POU6F2: variants seen among roughly 807,000 people sequenced by gnomAD.
POU6F2 encodes POU class 6 homeobox 2.
POU6F2 carries 31 observed loss-of-function variants against 71.3 expected under a neutral mutation model. That is an observed-to-expected ratio of 0.43 (90% CI 0.33 to 0.59). POU6F2 has a LOEUF of 0.59. POU6F2 is among the 20% of genes least tolerant of loss of function. The pLI, the probability that POU6F2 is intolerant of heterozygous loss-of-function variation, is 0.04. For missense variants in POU6F2, 783 were observed against 856.8 expected (o/e 0.91, Z 1.07); for synonymous variants, 347 against 355.7 (o/e 0.98, Z 0.27).
intron 2 of POU6F2, among the ~76,000 whole-genome samples, chr7:39,189,907 G>A (rs1161142088): frequency 6.6e-6 from 1 of 151,728 alleles, no homozygotes; most frequent in Admixed American, 6.6e-5. Context: ...CATGGTGTAT[G>A]TATGTCGACA....
At chr7:39,434,272 T>G (rs528263891) in intron 7 of POU6F2, among the ~76,000 whole-genome samples, 2 of 151,930 alleles carry the variant, frequency 1.3e-5, no homozygotes, top group Non-Finnish European at 2.9e-5. Context: ...AAGGCTCATG[T>G]GATTGGAGCA....
intron 1 of POU6F2, among the ~76,000 whole-genome samples, chr7:38,987,725 G>A (rs909845815): frequency 6.6e-6 from 1 of 152,088 alleles, no homozygotes; most frequent in Non-Finnish European, 1.5e-5. Context: ...TATGTTTTAC[G>A]TTTCTTTTAG....
chr7:39,101,623 G>A (rs1289222676), intron 2 of POU6F2, among the ~76,000 whole-genome samples: 1 of 152,008 alleles, frequency 6.6e-6, no homozygotes, highest in Admixed American at 6.6e-5. Flanking sequence ...GTTTCAGTTA[G>A]GAGGAATATG....
chr7:39,175,470 G>A (rs1793307925), intron 2 of POU6F2, among the ~76,000 whole-genome samples: 1 of 152,172 alleles, frequency 6.6e-6, no homozygotes, highest in South Asian at 2.1e-4. Flanking sequence ...AATCAAGACA[G>A]GTGTCTAGGG....
At chr7:39,156,225 G>A (rs369235758) in intron 2 of POU6F2, among the ~76,000 whole-genome samples, 1 of 152,074 alleles carries the variant, frequency 6.6e-6, no homozygotes, top group Admixed American at 6.6e-5. Context: ...CAGTATGATC[G>A]TAAACATGTA....
intron 6 of POU6F2, among the ~76,000 whole-genome samples, chr7:39,412,564 ATG>A (rs1283367838): frequency 2.0e-5 from 3 of 152,154 alleles, no homozygotes; most frequent in African/African-American, 4.8e-5. Flanking sequence ...AATTCTGACT[ATG>A]TGACTAAATA....
intron 2 of POU6F2, among the ~76,000 whole-genome samples, chr7:39,129,895 C>T (rs1792225811): frequency 6.6e-6 from 1 of 151,782 alleles, no homozygotes; most frequent in Admixed American, 6.6e-5. Context: ...GAAATCCCGA[C>T]TCTACTAAAA....
chr7:39,364,710 T>C (rs1198940730), intron 5 of POU6F2, among the ~76,000 whole-genome samples: 1 of 152,234 alleles, frequency 6.6e-6, no homozygotes, highest in East Asian at 1.9e-4. Flanking sequence ...CAATCACGAA[T>C]TGTGCTACCA....
intron 4 of POU6F2, among the ~76,000 whole-genome samples, chr7:39,213,036 C>T (rs1201720617): frequency 1.3e-5 from 2 of 152,214 alleles, no homozygotes; most frequent in Admixed American, 6.5e-5. Flanking sequence ...TCTCACAGCA[C>T]AGGCCAGAAT....
intron 2 of POU6F2, among the ~76,000 whole-genome samples, chr7:39,174,946 T>C (rs1462103576): frequency 2.6e-5 from 4 of 152,156 alleles, no homozygotes; most frequent in Admixed American, 2.6e-4. Flanking sequence ...AGCCATGTGC[T>C]CCTTGTACTC....
In POU6F2 at chr7:39,464,602, C is replaced by A; in HGVS notation, c.2079C>A (p.Asn693Lys). The A allele has an allele frequency of 6.2e-7, 1 of 1,611,196 alleles. No homozygotes were observed. Among genetic ancestry groups the A allele is most frequent in the Non-Finnish European group, 8.5e-7 (1 of 1,178,704 alleles). The change falls in exon 10 of 10, where the codon AAC becomes AAA. Residue 693 changes from asparagine to lysine, a missense_variant. Physicochemically the swap from Asn to Lys is moderately conservative, Grantham distance 94. Around this residue, in one of 2 missense-constraint regions of POU6F2, gnomAD observed 211 missense variants for 283.9 expected, o/e 0.74. Transcript: ENST00000518318. This position sits in a 1 kb window ranked among gnomAD's most constrained non-coding sequence, Gnocchi z 4.1. ...GCAATAAGAGGCAAGCCCTGAAGAACACAATTAAACGCTTAAAACAGCACG... is the reference window on the plus strand; with the variant it reads ...GCAATAAGAGGCAAGCCCTGAAGAAAACAATTAAACGCTTAAAACAGCACG... ...WFCNKRQALK[N>K]TIKRLKQHEP...
At chr7:39,247,596 G>A (rs1205607899) in intron 4 of POU6F2, among the ~76,000 whole-genome samples, 6 of 152,150 alleles carry the variant, frequency 3.9e-5, no homozygotes, top group African/African-American at 1.4e-4. Flanking sequence ...TTCAACTTGA[G>A]GACTCAGAAC....
chr7:39,438,828 A>G (rs1035305334), intron 7 of POU6F2, among the ~76,000 whole-genome samples: 21 of 152,226 alleles, frequency 1.4e-4, no homozygotes, highest in Non-Finnish European at 2.5e-4. Context: ...AAGAATGTAT[A>G]TTCTGTTGAT....
chr7:39,096,860 T>C (rs1791465086), intron 2 of POU6F2, among the ~76,000 whole-genome samples: 1 of 152,342 alleles, frequency 6.6e-6, no homozygotes, highest in African/African-American at 2.4e-5. Context: ...ATGTAAAGCT[T>C]TTAGTTTAAC....
At chr7:39,368,621 G>C (rs1478670393) in intron 5 of POU6F2, among the ~76,000 whole-genome samples, 1 of 152,168 alleles carries the variant, frequency 6.6e-6, no homozygotes, top group Non-Finnish European at 1.5e-5. Context: ...ACCATCTAAG[G>C]CTTTCATAGC....
intron 5 of POU6F2, among the ~76,000 whole-genome samples, chr7:39,391,860 C>A (rs926566054): frequency 1.3e-5 from 2 of 152,128 alleles, no homozygotes; most frequent in African/African-American, 4.8e-5. Flanking sequence ...ATTTAAAGTT[C>A]CATTGTTTTC....
Position 39,179,533 on chromosome 7 carries a change from G to A in POU6F2, c.278-24702G>A, listed in dbSNP as rs1285461433. On this transcript the variant is annotated intron_variant, in intron 2 of 9. Coordinates refer to ENST00000518318, the MANE Select transcript of POU6F2 (RefSeq NM_001370959.1). Reference sequence around the variant, plus strand: ...TGAGACCGCACGCGCGCACATGCGCGCACACACACACACACACGCACACAG... The same window carrying A: ...TGAGACCGCACGCGCGCACATGCGCACACACACACACACACACGCACACAG... Among the ~76,000 whole-genome samples the A allele has an allele frequency of 4.6e-5, 7 of 151,544 alleles. No individual in the cohort carries two copies. The East Asian group carries it at 5.8e-4, about 13-fold the overall frequency.
intron 4 of POU6F2, among the ~76,000 whole-genome samples, chr7:39,309,868 A>G (rs1785127312): frequency 1.3e-5 from 2 of 152,334 alleles, no homozygotes; most frequent in Admixed American, 1.3e-4. Context: ...TCTCGCAGAT[A>G]AGAAATGCAC....
At chr7:39,445,892 C>T (rs921037827) in intron 7 of POU6F2, among the ~76,000 whole-genome samples, 5 of 152,184 alleles carry the variant, frequency 3.3e-5, no homozygotes, top group African/African-American at 1.2e-4. Flanking sequence ...CCAAGAGGAG[C>T]TCCTTCCAAA....
Sources: gnomAD v4.1 joint callset for allele counts (sites outside exome capture counted in the v4.1 genomes callset) on GRCh38, gnomAD v4.1.1 for gene constraint, gnomAD v4.1.1 regional missense constraint, Gnocchi (gnomAD v3.1) non-coding constraint, MANE v1.5 for transcripts, NCBI Gene and HGNC (gene_info 2026-07-23, HGNC 2026-07-21) for gene names.